Variants in RGSL1 observed in about 807,000 individuals in gnomAD.
RGSL1 encodes regulator of G protein signaling protein-like.
A neutral mutation model predicts 124.7 loss-of-function variants in RGSL1; 97 were observed. The ratio of observed to expected loss-of-function variants is 0.78; its 90% confidence interval spans 0.66 to 0.92. RGSL1 has a LOEUF of 0.92. Ranked by LOEUF, RGSL1 falls within the 40% of genes least tolerant of loss-of-function variation. The pLI is 0.00. For missense variants in RGSL1, 1,233 were observed against 1,288.4 expected (o/e 0.96, Z 0.66); for synonymous variants, 424 against 438.1 (o/e 0.97, Z 0.40).
At chr1:182,458,801 G>A (rs1313367931) in intron 3 of RGSL1, among the ~76,000 whole-genome samples, 1 of 152,164 alleles carries the variant, frequency 6.6e-6, no homozygotes, top group African/African-American at 2.4e-5. Flanking sequence ...TGTGAATTGG[G>A]AGAGGGAGAA....
intron 15 of RGSL1, among the ~76,000 whole-genome samples, chr1:182,545,943 A>C (rs956902647): frequency 3.3e-5 from 5 of 152,172 alleles, no homozygotes; most frequent in Non-Finnish European, 7.3e-5. Context: ...TCCTGTACCT[A>C]AACATGTATG....
At chr1:182,548,221 CG>C in intron 15 of RGSL1, 95 bp from the exon 16 acceptor site, 4 of 1,352,934 alleles carry the variant, frequency 3.0e-6, no homozygotes, top group Non-Finnish European at 3.1e-6. Flanking sequence ...ACTGGCCTTG[CG>C]TTTTTTGGGC....
At chr1:182,557,836 C>T (rs770071803) in intron 21 of RGSL1, among the ~76,000 whole-genome samples, 14 of 152,154 alleles carry the variant, frequency 9.2e-5, no homozygotes, top group Non-Finnish European at 1.8e-4. Context: ...TTCAAAGATC[C>T]CAGATCTAAC....
intron 14 of RGSL1, among the ~76,000 whole-genome samples, chr1:182,536,948 G>A (rs266528): frequency 0.82 from 124,021 of 152,164 alleles, 51,289 homozygotes; most frequent in Non-Finnish European, 0.89. Context: ...CATACAGTGC[G>A]TTTTTTAGTG....
intron 4 of RGSL1, among the ~76,000 whole-genome samples, chr1:182,471,118 G>T (rs1033803658): frequency 6.6e-6 from 1 of 152,110 alleles, no homozygotes; most frequent in Admixed American, 6.6e-5. Context: ...ACCAGATGGT[G>T]CCCAGCTTCA....
At chr1:182,493,672 G>A (rs545588709) in intron 9 of RGSL1, among the ~76,000 whole-genome samples, 6 of 152,274 alleles carry the variant, frequency 3.9e-5, no homozygotes, top group African/African-American at 7.2e-5. Flanking sequence ...ATTGATCCAC[G>A]GGAGATGTGA....
chr1:182,516,955 GT>G (rs1232647082), intron 9 of RGSL1, among the ~76,000 whole-genome samples: 1 of 151,938 alleles, frequency 6.6e-6, no homozygotes, highest in South Asian at 2.1e-4. Flanking sequence ...ACCTTCAAAT[GT>G]TTTTTCATTT....
chr1:182,504,445 G>C (rs1423046028), intron 9 of RGSL1, among the ~76,000 whole-genome samples: 1 of 123,792 alleles, frequency 8.1e-6, no homozygotes, highest in Non-Finnish European at 1.7e-5. Context: ...ATTTCCATTG[G>C]TTCTTTTTTC....
At chr1:182,481,930 G>C (rs74941874) in intron 6 of RGSL1, among the ~76,000 whole-genome samples, 7 of 152,144 alleles carry the variant, frequency 4.6e-5, no homozygotes, top group Non-Finnish European at 1.0e-4. Flanking sequence ...AGCCATGTTC[G>C]TGACACTGCA....
At chr1:182,508,672 G>GT (rs869237122) in intron 9 of RGSL1, among the ~76,000 whole-genome samples, 1,050 of 13,972 alleles carry the variant, frequency 0.075, 30 homozygotes, top group East Asian at 0.38. Context: ...TTGACTATTT[G>GT]TTTTTTTTTT....
chr1:182,499,030 T>C (rs900227684), intron 9 of RGSL1, among the ~76,000 whole-genome samples: 6 of 152,164 alleles, frequency 3.9e-5, no homozygotes, highest in African/African-American at 1.4e-4. Context: ...TGACCTCAGG[T>C]GATCTTCCTG....
At chr1:182,449,553 G>T (rs549058835), upstream of RGSL1, among the ~76,000 whole-genome samples, 25 of 152,314 alleles carry the variant, frequency 1.6e-4, no homozygotes, top group African/African-American at 6.0e-4. Context: ...CAGGAGAAAT[G>T]AAGAGTTGTT....
intron 2 of RGSL1, 41 bp from the exon 3 acceptor site, chr1:182,458,278 A>T: frequency 6.9e-7 from 1 of 1,457,282 alleles, no homozygotes; most frequent in Non-Finnish European, 9.4e-7. Flanking sequence ...ACATGAAGAG[A>T]AGCTCTACTC....
At chr1:182,536,972 T>C (rs1659589094) in intron 14 of RGSL1, among the ~76,000 whole-genome samples, 1 of 152,236 alleles carries the variant, frequency 6.6e-6, no homozygotes, top group Non-Finnish European at 1.5e-5. Flanking sequence ...TGTCTGTCCG[T>C]ATCTCTTGCC....
intron 8 of RGSL1, among the ~76,000 whole-genome samples, chr1:182,491,927 ATCT>A (rs1655556785): frequency 6.6e-6 from 1 of 152,154 alleles, no homozygotes; most frequent in South Asian, 2.1e-4. Context: ...ATCTCTTGCT[ATCT>A]CAGCCTCATT....
At chr1:182,516,952 A>G (rs2102220495) in intron 9 of RGSL1, among the ~76,000 whole-genome samples, 1 of 152,148 alleles carries the variant, frequency 6.6e-6, no homozygotes, top group Middle Eastern at 3.4e-3. Context: ...CATACCTTCA[A>G]ATGTTTTTTC....
intron 9 of RGSL1, 130 bp from the exon 10 acceptor site, chr1:182,521,874 T>A (rs930935516): frequency 1.9e-4 from 121 of 623,448 alleles, no homozygotes; most frequent in Non-Finnish European, 3.0e-4. Context: ...GAACTTAACC[T>A]GAGATGGCAG....
intron 14 of RGSL1, among the ~76,000 whole-genome samples, chr1:182,537,118 G>A (rs993701971): frequency 6.6e-6 from 1 of 151,990 alleles, no homozygotes; most frequent in Non-Finnish European, 1.5e-5. Flanking sequence ...TTTTTAAGTA[G>A]TGTCTTTTGA....
At chr1:182,480,151 T>G (rs1654586605) in intron 6 of RGSL1, among the ~76,000 whole-genome samples, 1 of 152,064 alleles carries the variant, frequency 6.6e-6, no homozygotes, top group African/African-American at 2.4e-5. Context: ...GACCTAACAG[T>G]CATATACAGA....
Sources: gnomAD v4.1 joint callset for allele counts (sites outside exome capture counted in the v4.1 genomes callset) on GRCh38, gnomAD v4.1.1 for gene constraint, MANE v1.5 for transcripts, NCBI Gene and HGNC (gene_info 2026-07-23, HGNC 2026-07-21) for gene names.